Variants in SAMD3 observed in about 807,000 individuals in gnomAD.
The protein encoded by SAMD3 is sterile alpha motif domain containing 3.
In SAMD3, 63 loss-of-function variants were observed where a neutral mutation model predicts 58.5. The ratio of observed to expected loss-of-function variants is 1.08; its 90% CI spans 0.88 to 1.33. The LOEUF is 1.33. SAMD3 is among the 40% of genes most tolerant of loss of function. The pLI, the probability that SAMD3 is intolerant of heterozygous loss-of-function variation, is 0.00. For synonymous variants in SAMD3, 220 were observed against 210.3 expected (o/e 1.05, Z -0.40); for missense variants, 604 against 608.4 (o/e 0.99, Z 0.08).
At chr6:130,246,706 CAT>C (rs1319459181) in intron 2 of SAMD3, among the ~76,000 whole-genome samples, 2 of 152,046 alleles carry the variant, frequency 1.3e-5, no homozygotes, top group Admixed American at 1.3e-4. Flanking sequence ...ATCTGGCCAA[CAT>C]GGGAAACCCC....
chr6:130,162,917 C>A (rs1790396578), intron 8 of SAMD3, among the ~76,000 whole-genome samples: 1 of 152,158 alleles, frequency 6.6e-6, no homozygotes, highest in Non-Finnish European at 1.5e-5. Flanking sequence ...ATTGATATTT[C>A]TAATTTTTAA....
At chr6:130,350,848 A>G (rs1777633576) in intron 1 of SAMD3, among the ~76,000 whole-genome samples, 1 of 152,210 alleles carries the variant, frequency 6.6e-6, no homozygotes, top group Non-Finnish European at 1.5e-5. Context: ...ACAGTAACCA[A>G]AACAGCATGG....
chr6:130,357,805 T>C (rs1562539554), intron 1 of SAMD3, among the ~76,000 whole-genome samples: 1 of 152,240 alleles, frequency 6.6e-6, no homozygotes, highest in Non-Finnish European at 1.5e-5. Context: ...TTAAACACTG[T>C]AAAAGAGCAT....
intron 7 of SAMD3, among the ~76,000 whole-genome samples, chr6:130,181,803 G>A (rs1344436590): frequency 6.6e-6 from 1 of 151,886 alleles, no homozygotes; most frequent in Non-Finnish European, 1.5e-5. Flanking sequence ...TTTGAATTTT[G>A]AGCTATGTAA....
chr6:130,147,590 C>T (rs1204090648), intron 9 of SAMD3, among the ~76,000 whole-genome samples: 1 of 150,560 alleles, frequency 6.6e-6, no homozygotes, highest in African/African-American at 2.4e-5. Flanking sequence ...AATTTCTGAT[C>T]CAGTTGAAAA....
At chr6:130,197,305 A>G (rs916661093) in intron 5 of SAMD3, among the ~76,000 whole-genome samples, 2 of 152,178 alleles carry the variant, frequency 1.3e-5, no homozygotes, top group African/African-American at 4.8e-5. Flanking sequence ...ACCGTTCTCA[A>G]CTACTCATAC....
At chr6:130,327,203 T>C (rs868156187) in intron 1 of SAMD3, among the ~76,000 whole-genome samples, 2 of 152,190 alleles carry the variant, frequency 1.3e-5, no homozygotes. Flanking sequence ...AATTTTACTA[T>C]GAAAAATAAG....
At chr6:130,362,967 C>A (rs978305897) in intron 1 of SAMD3, among the ~76,000 whole-genome samples, 6 of 152,002 alleles carry the variant, frequency 3.9e-5, no homozygotes, top group Non-Finnish European at 7.4e-5. Context: ...AATATATTTC[C>A]TCTACCTTTT....
intron 1 of SAMD3, among the ~76,000 whole-genome samples, chr6:130,324,938 G>A (rs1776707340): frequency 6.6e-6 from 1 of 152,032 alleles, no homozygotes; most frequent in Non-Finnish European, 1.5e-5. Flanking sequence ...GGGTTCTTGT[G>A]TATCTTTTTA....
At chr6:130,247,466 CAAA>C (rs1381371663) in intron 2 of SAMD3, among the ~76,000 whole-genome samples, 5 of 80,214 alleles carry the variant, frequency 6.2e-5, no homozygotes, top group African/African-American at 4.5e-5. Flanking sequence ...GACTCCATCT[CAAA>C]AAAAAAAAAA....
intron 8 of SAMD3, among the ~76,000 whole-genome samples, chr6:130,164,307 T>C (rs1790530872): frequency 6.6e-6 from 1 of 152,218 alleles, no homozygotes; most frequent in Admixed American, 6.5e-5. Flanking sequence ...ATAAATTAGC[T>C]GTAAAAATGA....
chr6:130,298,446 C>T (rs1452020922), intron 2 of SAMD3, among the ~76,000 whole-genome samples: 1 of 152,092 alleles, frequency 6.6e-6, no homozygotes, highest in Admixed American at 6.5e-5. Context: ...GTACACAGAT[C>T]ATATAAGGCA....
At chr6:130,336,490 T>C (rs1777105349) in intron 1 of SAMD3, among the ~76,000 whole-genome samples, 1 of 152,232 alleles carries the variant, frequency 6.6e-6, no homozygotes, top group Non-Finnish European at 1.5e-5. Flanking sequence ...TGAGTGGAAG[T>C]AACATTTTGG....
chr6:130,296,369 G>A (rs1775570254), intron 2 of SAMD3, among the ~76,000 whole-genome samples: 1 of 152,154 alleles, frequency 6.6e-6, no homozygotes, highest in Non-Finnish European at 1.5e-5. Flanking sequence ...CAGAGTCCAT[G>A]GAAAGGGTAG....
rs574336664 is a variant in SAMD3, at chr6:130,351,240, C to T, written c.-304+13880G>A. On this transcript the variant is annotated intron_variant, in intron 1 of 13. Transcript: ENST00000368134. ...AATTAACAAATGGGATCTAATTAAACTAAAGAGCTTCTGCACAGCAAAAGA... is the reference window on the plus strand; with the variant it reads ...AATTAACAAATGGGATCTAATTAAATTAAAGAGCTTCTGCACAGCAAAAGA... 3.3e-5 allele frequency among the ~76,000 whole-genome samples: 5 copies of T among 152,242 alleles called. No homozygotes were observed. The South Asian group carries it at 1.0e-3, about 32-fold the overall frequency.
intron 2 of SAMD3, among the ~76,000 whole-genome samples, chr6:130,279,445 C>A (rs1007591198): frequency 1.3e-5 from 2 of 151,692 alleles, no homozygotes; most frequent in Non-Finnish European, 2.9e-5. Context: ...TGTAAGTTTC[C>A]TGAGGCCTCC....
intron 2 of SAMD3, among the ~76,000 whole-genome samples, chr6:130,242,269 C>T (rs1773385364): frequency 6.6e-6 from 1 of 152,166 alleles, no homozygotes; most frequent in African/African-American, 2.4e-5. Context: ...GTGTCTGTCT[C>T]AGCCACTCAA....
chr6:130,163,246 C>T (rs1344651768), intron 8 of SAMD3, among the ~76,000 whole-genome samples: 2 of 152,100 alleles, frequency 1.3e-5, no homozygotes, highest in Non-Finnish European at 2.9e-5. Context: ...ATACTATTAA[C>T]GTTAATTCCA....
chr6:130,209,812 C>T (rs1318964397), intron 4 of SAMD3, among the ~76,000 whole-genome samples: 2 of 152,204 alleles, frequency 1.3e-5, no homozygotes, highest in Non-Finnish European at 2.9e-5. Context: ...TGCCAGGAGG[C>T]AGACTGATGC....
Sources: gnomAD v4.1 joint callset for allele counts (sites outside exome capture counted in the v4.1 genomes callset) on GRCh38, gnomAD v4.1.1 for gene constraint, MANE v1.5 for transcripts, NCBI Gene and HGNC (gene_info 2026-07-23, HGNC 2026-07-21) for gene names.